The following PALM2AKAP2 variants were observed in gnomAD, a reference collection of about 807,000 sequenced individuals.
PALM2AKAP2 encodes the protein PALM2-AKAP2 fusion protein.
In PALM2AKAP2, 37 loss-of-function variants were observed where a neutral mutation model predicts 71.5. That is an observed-to-expected ratio of 0.52 (90% CI 0.40 to 0.68). PALM2AKAP2 has a LOEUF of 0.68. Ranked by LOEUF, PALM2AKAP2 falls within the 30% of genes least tolerant of loss-of-function variation. The pLI is 0.00. For missense variants in PALM2AKAP2, 1,224 were observed against 1,191.8 expected (o/e 1.03, Z -0.40); for synonymous variants, 468 against 478.8 (o/e 0.98, Z 0.29).
At chr9:110,019,776 G>A (rs148697919) in intron 7 of PALM2AKAP2, among the ~76,000 whole-genome samples, 1 of 152,250 alleles carries the variant, frequency 6.6e-6, no homozygotes, top group African/African-American at 2.4e-5. Flanking sequence ...AGTAGAGACT[G>A]GGGACTCTAA....
chr9:110,037,876 AAAT>A (rs1358174596), intron 7 of PALM2AKAP2, among the ~76,000 whole-genome samples: 6 of 152,188 alleles, frequency 3.9e-5, no homozygotes, highest in African/African-American at 1.2e-4. Flanking sequence ...TCCATGGAGA[AAAT>A]AAGCTGACAT....
chr9:110,136,285 C>A, exon 2 of PALM2AKAP2: 1 of 1,614,162 alleles, frequency 6.2e-7, no homozygotes, highest in Non-Finnish European at 8.5e-7. Flanking sequence ...TTCCTGGAAT[C>A]ACCTCTACCC....
intron 1 of PALM2AKAP2, among the ~76,000 whole-genome samples, chr9:109,686,333 C>T (rs367656797): frequency 1.3e-5 from 2 of 152,278 alleles, no homozygotes; most frequent in African/African-American, 4.8e-5. Flanking sequence ...ACAGTTATAG[C>T]CTTATAAAAC....
intron 2 of PALM2AKAP2, among the ~76,000 whole-genome samples, chr9:110,144,052 A>G (rs943683284): frequency 1.3e-5 from 2 of 152,254 alleles, no homozygotes; most frequent in African/African-American, 2.4e-5. Flanking sequence ...GGAAAGTCTT[A>G]GGAAAAATAT....
intron 1 of PALM2AKAP2, among the ~76,000 whole-genome samples, chr9:109,691,174 T>TACACACACACACACACACACACAC (rs56966509): frequency 5.6e-4 from 83 of 147,560 alleles, no homozygotes; most frequent in African/African-American, 1.3e-3. Context: ...CTTTGAATTT[T>TACACACACACACACACACACACAC]ACACACACAC....
chr9:109,784,658 G>C (rs956857894), intron 1 of PALM2AKAP2, among the ~76,000 whole-genome samples: 1 of 152,252 alleles, frequency 6.6e-6, no homozygotes, highest in Non-Finnish European at 1.5e-5. Context: ...TTTTATAGGT[G>C]AGGAGGTTCT....
intron 1 of PALM2AKAP2, among the ~76,000 whole-genome samples, chr9:109,731,347 G>C (rs1828554340): frequency 6.6e-6 from 1 of 152,156 alleles, no homozygotes; most frequent in Non-Finnish European, 1.5e-5. Context: ...TCTTATAGTA[G>C]TTTAGTTCTC....
At chr9:109,767,337 C>T (rs1829170084) in intron 1 of PALM2AKAP2, among the ~76,000 whole-genome samples, 1 of 152,170 alleles carries the variant, frequency 6.6e-6, no homozygotes, top group South Asian at 2.1e-4. Context: ...CACCCTAATA[C>T]CACTTCCTTG....
intron 1 of PALM2AKAP2, among the ~76,000 whole-genome samples, chr9:109,830,384 C>T (rs1828264844): frequency 6.6e-6 from 1 of 152,004 alleles, no homozygotes; most frequent in Admixed American, 6.6e-5. Context: ...AGAGCAGGGG[C>T]GGGAGAGGTT....
chr9:110,013,562 A>G (rs1000434514), intron 6 of PALM2AKAP2, among the ~76,000 whole-genome samples: 1 of 152,236 alleles, frequency 6.6e-6, no homozygotes, highest in East Asian at 1.9e-4. Flanking sequence ...TCCTTGCAGC[A>G]ATTCCTTGAG....
intron 3 of PALM2AKAP2, among the ~76,000 whole-genome samples, chr9:109,920,231 G>A (rs899730840): frequency 1.3e-5 from 2 of 152,184 alleles, no homozygotes; most frequent in Admixed American, 6.5e-5. Context: ...CCAGTGCCAA[G>A]GGACTGGGAA....
chr9:109,997,822 CCCT>C (rs1178838238), intron 6 of PALM2AKAP2, among the ~76,000 whole-genome samples: 3 of 152,180 alleles, frequency 2.0e-5, no homozygotes, highest in African/African-American at 7.2e-5. Flanking sequence ...TTGCATCCTG[CCCT>C]CCTCCTTCAA....
intron 1 of PALM2AKAP2, among the ~76,000 whole-genome samples, chr9:109,694,523 C>A (rs1161717150): frequency 6.6e-6 from 1 of 151,804 alleles, no homozygotes; most frequent in African/African-American, 2.4e-5. Context: ...TGTTTAAGAT[C>A]TACATGAAGA....
intron 1 of PALM2AKAP2, among the ~76,000 whole-genome samples, chr9:109,698,494 G>T (rs548618708): frequency 8.7e-4 from 132 of 152,242 alleles, no homozygotes; most frequent in African/African-American, 3.0e-3. Context: ...GGCCAGGCTG[G>T]TCTTGAACCC....
chr9:109,922,963 A>AGAATAAGTGCTCAGTTCC (rs1830870283), intron 3 of PALM2AKAP2, among the ~76,000 whole-genome samples: 1 of 152,260 alleles, frequency 6.6e-6, no homozygotes, highest in Non-Finnish European at 1.5e-5. Context: ...AATAATCCAC[A>AGAATAAGTGCTCAGTTCC]TGAATTCTTA....
At chr9:110,098,064 G>A (rs1186167805) in intron 1 of PALM2AKAP2, among the ~76,000 whole-genome samples, 5 of 146,148 alleles carry the variant, frequency 3.4e-5, no homozygotes, top group Admixed American at 3.3e-4. Context: ...GGCAGGCTGA[G>A]GCAGGAGAAT....
At chr9:109,872,228 G>A in intron 2 of PALM2AKAP2, among the ~76,000 whole-genome samples, 1 of 151,996 alleles carries the variant, frequency 6.6e-6, no homozygotes, top group East Asian at 1.9e-4. Context: ...TTATTTCATA[G>A]GAACAATTAT....
At chr9:109,684,321 A>G (rs990008045) in intron 1 of PALM2AKAP2, among the ~76,000 whole-genome samples, 4 of 152,046 alleles carry the variant, frequency 2.6e-5, no homozygotes, top group Non-Finnish European at 2.9e-5. Context: ...CGTTGGAACC[A>G]CCTGTGGAGT....
chr9:110,023,305 CTTTTTTTTTTTTT>C (rs149672913), intron 7 of PALM2AKAP2, among the ~76,000 whole-genome samples: 1 of 74,038 alleles, frequency 1.4e-5, no homozygotes, highest in East Asian at 4.4e-4. Flanking sequence ...ATTGTGGTTT[CTTTTTTTTTTTTT>C]TTTTTTTTTT....
Sources: gnomAD v4.1 joint callset for allele counts (sites outside exome capture counted in the v4.1 genomes callset) on GRCh38, gnomAD v4.1.1 for gene constraint, MANE v1.5 for transcripts, NCBI Gene and HGNC (gene_info 2026-07-23, HGNC 2026-07-21) for gene names.